GPR158: variants seen among roughly 807,000 people sequenced by gnomAD.
GPR158 encodes G protein-coupled receptor 158, also known as metabotropic glycine receptor.
A neutral mutation model predicts 78.2 loss-of-function variants in GPR158; 30 were observed. The ratio of observed to expected loss-of-function variants is 0.38; its 90% CI spans 0.29 to 0.52. GPR158 has a LOEUF of 0.52. GPR158 is among the 20% of genes least tolerant of loss of function. GPR158 has a pLI of 0.83. For missense variants in GPR158, 1,463 were observed against 1,523.5 expected (o/e 0.96, Z 0.66); for synonymous variants, 581 against 591.1 (o/e 0.98, Z 0.25).
At chr10:25,347,747 T>C (rs1855392880) in intron 2 of GPR158, among the ~76,000 whole-genome samples, 1 of 152,046 alleles carries the variant, frequency 6.6e-6, no homozygotes, top group Admixed American at 6.6e-5. Context: ...ACATAGCATT[T>C]TGAACTTTTC....
Position 25,221,134 on chromosome 10 carries a change from A to G in GPR158, c.985A>G (p.Lys329Glu). The change falls in exon 2 of 11, where the codon AAA (lysine) becomes GAA (glutamate). Residue 329 changes from lysine (K) to glutamate (E), a missense_variant. Coordinates refer to ENST00000376351, the MANE Select transcript of GPR158 (RefSeq NM_020752.3). Reference protein sequence around the residue: ...SSDGWFSGTHKCHLNNSECMP... With the variant: ...SSDGWFSGTHECHLNNSECMP... ...TGATGGCTGGTTTTCAGGAACTCAT[A>G]AATGCCACCTCAACAATTCAGAGGT... 1 of 1,567,618 alleles carries G rather than the reference A, an allele frequency of 6.4e-7. No individual in the cohort carries two copies. Among genetic ancestry groups the G allele is most frequent in the Non-Finnish European group, 8.8e-7 (1 of 1,138,326 alleles).
At chr10:25,506,674 G>A (rs1836017441) in intron 5 of GPR158, among the ~76,000 whole-genome samples, 1 of 152,094 alleles carries the variant, frequency 6.6e-6, no homozygotes, top group African/African-American at 2.4e-5. Context: ...CATCAGTGAG[G>A]GCTGATAGCA....
At chr10:25,463,481 G>A (rs1051723679) in intron 4 of GPR158, among the ~76,000 whole-genome samples, 2 of 152,128 alleles carry the variant, frequency 1.3e-5, no homozygotes, top group East Asian at 1.9e-4. Flanking sequence ...TAGAGAAAAT[G>A]TGTAGTGTTG....
At chr10:25,479,855 A>G (rs774152489) in intron 5 of GPR158, among the ~76,000 whole-genome samples, 2 of 152,038 alleles carry the variant, frequency 1.3e-5, no homozygotes, top group African/African-American at 2.4e-5. Flanking sequence ...TTCGTGATAC[A>G]TAAGTTATGG....
chr10:25,311,701 C>A (rs944725627), intron 2 of GPR158, among the ~76,000 whole-genome samples: 11 of 151,896 alleles, frequency 7.2e-5, no homozygotes, highest in Non-Finnish European at 1.2e-4. Flanking sequence ...TTGAGTGCCC[C>A]AAGACTTTTT....
At chr10:25,263,959 T>C (rs1410551705) in intron 2 of GPR158, among the ~76,000 whole-genome samples, 2 of 152,168 alleles carry the variant, frequency 1.3e-5, no homozygotes, top group East Asian at 1.9e-4. Context: ...AAATTTCACC[T>C]TTTGGTTAAT....
chr10:25,544,182 TAATA>T (rs1836627950), intron 5 of GPR158, among the ~76,000 whole-genome samples: 1 of 152,180 alleles, frequency 6.6e-6, no homozygotes, highest in Non-Finnish European at 1.5e-5. Context: ...CTAGGTTACT[TAATA>T]AATAGAGTGG....
intron 5 of GPR158, among the ~76,000 whole-genome samples, chr10:25,540,308 G>A (rs1273016917): frequency 6.6e-6 from 1 of 152,196 alleles, no homozygotes; most frequent in Non-Finnish European, 1.5e-5. Context: ...TGCTGGAGAG[G>A]ACATGGAGAA....
intron 2 of GPR158, among the ~76,000 whole-genome samples, chr10:25,269,290 C>G (rs1018895721): frequency 4.6e-5 from 7 of 152,180 alleles, no homozygotes; most frequent in African/African-American, 1.7e-4. Context: ...GAGTAAGTTG[C>G]ATATGATAAC....
intron 2 of GPR158, among the ~76,000 whole-genome samples, chr10:25,321,065 C>G (rs962087396): frequency 6.6e-6 from 1 of 152,162 alleles, no homozygotes; most frequent in African/African-American, 2.4e-5. Flanking sequence ...CTGTTCTTGG[C>G]ACTAATGAAC....
At chr10:25,238,606 A>G (rs1853561515) in intron 2 of GPR158, among the ~76,000 whole-genome samples, 2 of 152,204 alleles carry the variant, frequency 1.3e-5, no homozygotes, top group African/African-American at 2.4e-5. Context: ...GCTGCAGGTT[A>G]TACACTACTT....
chr10:25,206,505 TCAAC>T (rs1853032739), intron 1 of GPR158, among the ~76,000 whole-genome samples: 1 of 152,146 alleles, frequency 6.6e-6, no homozygotes, highest in Non-Finnish European at 1.5e-5. Context: ...AAAATAATGA[TCAAC>T]CAAAAGAAAA....
At chr10:25,394,284 A>G (rs1834340310) in intron 2 of GPR158, among the ~76,000 whole-genome samples, 1 of 152,248 alleles carries the variant, frequency 6.6e-6, no homozygotes, top group Non-Finnish European at 1.5e-5. Flanking sequence ...AGTAAGGCTC[A>G]GAGATGTTAA....
At chr10:25,400,882 T>A (rs1435575293) in intron 3 of GPR158, among the ~76,000 whole-genome samples, 1 of 152,134 alleles carries the variant, frequency 6.6e-6, no homozygotes, top group Non-Finnish European at 1.5e-5. Context: ...TACCTAACTC[T>A]AGTGCTATTG....
intron 1 of GPR158, among the ~76,000 whole-genome samples, chr10:25,206,930 A>C (rs1853047814): frequency 6.6e-6 from 1 of 150,684 alleles, no homozygotes; most frequent in Non-Finnish European, 1.5e-5. Flanking sequence ...ATCAGAGAGA[A>C]AGGACTTAAT....
chr10:25,312,717 A>G (rs1854783334), intron 2 of GPR158, among the ~76,000 whole-genome samples: 1 of 152,120 alleles, frequency 6.6e-6, no homozygotes, highest in Non-Finnish European at 1.5e-5. Flanking sequence ...CTGAATATTA[A>G]AAAGAAATGT....
chr10:25,372,494 G>T (rs898485933), intron 2 of GPR158, among the ~76,000 whole-genome samples: 3 of 144,982 alleles, frequency 2.1e-5, no homozygotes, highest in Non-Finnish European at 3.0e-5. Flanking sequence ...TTAAGAAAAT[G>T]TGGCACATAT....
intron 2 of GPR158, among the ~76,000 whole-genome samples, chr10:25,275,047 TA>T (rs1296759650): frequency 6.6e-6 from 1 of 152,224 alleles, no homozygotes; most frequent in African/African-American, 2.4e-5. Flanking sequence ...CTTTTCATGA[TA>T]TTTTCAGTTC....
intron 2 of GPR158, among the ~76,000 whole-genome samples, chr10:25,227,342 T>C (rs1168640625): frequency 6.6e-6 from 1 of 152,200 alleles, no homozygotes; most frequent in East Asian, 1.9e-4. Flanking sequence ...CATTAAACTA[T>C]TTCTTTGTTG....
Sources: gnomAD v4.1 joint callset for allele counts (sites outside exome capture counted in the v4.1 genomes callset) on GRCh38, gnomAD v4.1.1 for gene constraint, MANE v1.5 for transcripts, NCBI Gene and HGNC (gene_info 2026-07-23, HGNC 2026-07-21) for gene names.